PPARGC1A: variants seen among roughly 807,000 people sequenced by gnomAD.
PPARGC1A encodes the protein PPARG coactivator 1 alpha, also known as peroxisome proliferator-activated receptor gamma coactivator 1-alpha.
In PPARGC1A, 25 loss-of-function variants were observed where a neutral mutation model predicts 88.7. That is an observed-to-expected ratio of 0.28 (90% CI 0.21 to 0.39). The LOEUF (loss-of-function observed/expected upper bound fraction) is 0.39, where lower values mean the gene tolerates loss of function less well. PPARGC1A is among the 10% of genes least tolerant of loss of function. PPARGC1A has a pLI of 1.00. For missense variants in PPARGC1A, 880 were observed against 968.7 expected (o/e 0.91, Z 1.22); for synonymous variants, 363 against 355.6 (o/e 1.02, Z -0.24).
the PPARGC1A span, among the ~76,000 whole-genome samples, chr4:24,028,682 C>T: frequency 2.6e-5 from 4 of 152,192 alleles, no homozygotes; most frequent in African/African-American, 9.6e-5. Context: ...TATGGTGCTT[C>T]TGTTCCCTCT....
the PPARGC1A span, among the ~76,000 whole-genome samples, chr4:24,107,433 G>A: frequency 4.6e-5 from 7 of 152,170 alleles, no homozygotes; most frequent in African/African-American, 1.4e-4. Flanking sequence ...GACTCTTAAT[G>A]AATGGCAGTG....
the PPARGC1A span, among the ~76,000 whole-genome samples, chr4:24,391,651 C>T: frequency 7.2e-5 from 11 of 152,048 alleles, no homozygotes; most frequent in African/African-American, 2.7e-4. Flanking sequence ...ATGCATGAAG[C>T]ATTAAAAAGA....
the PPARGC1A span, among the ~76,000 whole-genome samples, chr4:24,284,838 C>A: frequency 6.6e-6 from 1 of 152,244 alleles, no homozygotes; most frequent in East Asian, 1.9e-4. Flanking sequence ...ACCAGCCTGG[C>A]CAGCATGGTG....
chr4:23,826,091 G>A (rs991612995), intron 5 of PPARGC1A, among the ~76,000 whole-genome samples: 3 of 152,118 alleles, frequency 2.0e-5, no homozygotes, highest in Non-Finnish European at 4.4e-5. Context: ...CTCAAAGGAA[G>A]ACTCTCGAAT....
the PPARGC1A span, among the ~76,000 whole-genome samples, chr4:23,936,379 C>T: frequency 1.3e-5 from 2 of 152,152 alleles, no homozygotes; most frequent in African/African-American, 4.8e-5. Context: ...AGGTTCTACT[C>T]TATAGCCTCC....
the PPARGC1A span, among the ~76,000 whole-genome samples, chr4:24,025,816 G>C: frequency 1.3e-5 from 2 of 152,096 alleles, no homozygotes; most frequent in Non-Finnish European, 2.9e-5. Flanking sequence ...AGGTGTAGGT[G>C]ATGTATAAAA....
the PPARGC1A span, among the ~76,000 whole-genome samples, chr4:24,414,423 AG>A: frequency 6.6e-6 from 1 of 152,164 alleles, no homozygotes; most frequent in East Asian, 1.9e-4. Flanking sequence ...ATAGGGGCAA[AG>A]GATGAACTAT....
the PPARGC1A span, among the ~76,000 whole-genome samples, chr4:24,144,225 G>A: frequency 6.6e-5 from 10 of 152,218 alleles, no homozygotes; most frequent in South Asian, 4.1e-4. Context: ...AGAATGGACA[G>A]ATGGTAACTG....
At chr4:24,354,846 G>C in the PPARGC1A span, among the ~76,000 whole-genome samples, 1 of 151,898 alleles carries the variant, frequency 6.6e-6, no homozygotes, top group Non-Finnish European at 1.5e-5. Flanking sequence ...AAGATCACGC[G>C]ACTGCACTCC....
intron 2 of PPARGC1A, among the ~76,000 whole-genome samples, chr4:23,832,280 A>C (rs1725149656): frequency 6.6e-6 from 1 of 152,000 alleles, no homozygotes; most frequent in South Asian, 2.1e-4. Flanking sequence ...ATCACTGAAC[A>C]CTCCAAAATC....
the PPARGC1A span, among the ~76,000 whole-genome samples, chr4:24,327,764 G>GC: frequency 1.3e-5 from 2 of 151,798 alleles, no homozygotes; most frequent in Non-Finnish European, 2.9e-5. Context: ...AATTTTTGCC[G>GC]CCCCAACACT....
At chr4:24,435,648 C>T in the PPARGC1A span, among the ~76,000 whole-genome samples, 5 of 152,296 alleles carry the variant, frequency 3.3e-5, no homozygotes, top group South Asian at 1.0e-3. Context: ...AGAGCTAAGC[C>T]CACAGCTGGC....
At position 23,821,610 on chromosome 4, in the gene PPARGC1A, G is replaced by A. The variant is rs184253857; in HGVS notation, c.877+2670C>T. ...GGAAAGATAAGAAGTAAGGTACAAC[G>A]ACCACTGCAAATGAAGTTAACTCAG... On this transcript the variant is annotated intron_variant, in intron 7 of 12. Coordinates refer to ENST00000264867, the MANE Select transcript of PPARGC1A (RefSeq NM_013261.5). 5.9e-5 allele frequency among the ~76,000 whole-genome samples: 9 copies of A among 152,096 alleles called. No homozygotes were observed. The East Asian group carries it at 7.7e-4, about 13-fold the overall frequency.
chr4:23,877,360 CAAAAAAAAAAAAAAAA>C (rs551447166), intron 2 of PPARGC1A, among the ~76,000 whole-genome samples: 6 of 62,794 alleles, frequency 9.6e-5, no homozygotes, highest in South Asian at 1.3e-3. Flanking sequence ...ACTAAAAATA[CAAAAAAAAAAAAAAAA>C]AAAAAAAAAA....
the PPARGC1A span, among the ~76,000 whole-genome samples, chr4:24,118,282 AGAG>A: frequency 6.6e-6 from 1 of 152,168 alleles, no homozygotes; most frequent in Non-Finnish European, 1.5e-5. Context: ...TCAGCCTGCC[AGAG>A]GAGGAGCTAC....
the PPARGC1A span, among the ~76,000 whole-genome samples, chr4:23,998,751 C>G: frequency 6.6e-6 from 1 of 152,118 alleles, no homozygotes; most frequent in East Asian, 1.9e-4. Context: ...CTAGGGAGAA[C>G]AAGAGGTTGC....
At chr4:23,835,945 A>T (rs1412139514) in intron 2 of PPARGC1A, among the ~76,000 whole-genome samples, 1 of 152,160 alleles carries the variant, frequency 6.6e-6, no homozygotes, top group Non-Finnish European at 1.5e-5. Flanking sequence ...CAATTTACAG[A>T]GCAAATAAAT....
chr4:24,216,314 C>A, the PPARGC1A span, among the ~76,000 whole-genome samples: 727 of 151,812 alleles, frequency 4.8e-3, 28 homozygotes, highest in East Asian at 0.094. Context: ...TGCTCAGCTA[C>A]TTTTTGTATT....
the PPARGC1A span, among the ~76,000 whole-genome samples, chr4:24,230,203 T>C: frequency 1.3e-5 from 2 of 152,224 alleles, no homozygotes; most frequent in African/African-American, 2.4e-5. Flanking sequence ...CTTGCATAAC[T>C]ACATGTGTAT....
Sources: gnomAD v4.1 joint callset for allele counts (sites outside exome capture counted in the v4.1 genomes callset) on GRCh38, gnomAD v4.1.1 for gene constraint, MANE v1.5 for transcripts, NCBI Gene and HGNC (gene_info 2026-07-23, HGNC 2026-07-21) for gene names.